CT45A1: variants seen among roughly 807,000 people sequenced by gnomAD.
The protein encoded by CT45A1 is cancer/testis antigen family 45 member A1.
the CT45A1 span, among the ~76,000 whole-genome samples, chrX:135,708,490 C>G: frequency 9.1e-6 from 1 of 110,424 alleles, no homozygotes; most frequent in African/African-American, 3.3e-5. Flanking sequence ...GTGTGTGGTA[C>G]GGCTCCCTGG....
intron 1 of CT45A1, among the ~76,000 whole-genome samples, chrX:135,717,883 T>C (rs1444837120): frequency 1.8e-5 from 2 of 112,099 alleles, no homozygotes; most frequent in African/African-American, 6.5e-5. Flanking sequence ...GACAGTTTTA[T>C]TTCTTTCCAA....
At chrX:135,708,823 T>C (rs1173304957), upstream of CT45A1, among the ~76,000 whole-genome samples, 4 of 111,063 alleles carry the variant, frequency 3.6e-5, no homozygotes, top group African/African-American at 1.3e-4. Flanking sequence ...ACATAATGTC[T>C]TGTAAGTGTG....
At chrX:135,712,008 G>T (rs1250621441), upstream of CT45A1, among the ~76,000 whole-genome samples, 2 of 109,229 alleles carry the variant, frequency 1.8e-5, no homozygotes, top group Non-Finnish European at 3.8e-5. Flanking sequence ...TTGAACCTGG[G>T]AGGCGGAGGT....
intron 1 of CT45A1, among the ~76,000 whole-genome samples, chrX:135,716,917 T>A (rs782270430): frequency 2.7e-5 from 3 of 112,042 alleles, no homozygotes; most frequent in Non-Finnish European, 5.6e-5. Context: ...GTATTTTGTA[T>A]TTCCAGATTG....
chrX:135,708,492 G>A, the CT45A1 span, among the ~76,000 whole-genome samples: 2 of 110,411 alleles, frequency 1.8e-5, no homozygotes, highest in Admixed American at 1.9e-4. Context: ...GTGTGGTACG[G>A]CTCCCTGGGT....
chrX:135,711,479 G>C (rs1556569533), upstream of CT45A1, among the ~76,000 whole-genome samples: 1 of 110,915 alleles, frequency 9.0e-6, no homozygotes, highest in African/African-American at 3.3e-5. Flanking sequence ...TTGTCGCCCA[G>C]GCTGGAGTGC....
upstream of CT45A1, among the ~76,000 whole-genome samples, chrX:135,708,797 G>A (rs782340844): frequency 4.5e-5 from 5 of 111,247 alleles, no homozygotes; most frequent in African/African-American, 1.6e-4. Context: ...CTGATTTTGT[G>A]TGGGAATTAT....
At chrX:135,712,291 C>T (rs1480012798), upstream of CT45A1, among the ~76,000 whole-genome samples, 1 of 98,432 alleles carries the variant, frequency 1.0e-5, no homozygotes, top group Non-Finnish European at 2.0e-5. Flanking sequence ...GGTCTCAAGC[C>T]TCCCAAGTAG....
At chrX:135,710,423 C>A (rs1468530675), upstream of CT45A1, 1 of 112,317 alleles carries the variant, frequency 8.9e-6, no homozygotes, top group Non-Finnish European at 1.9e-5. Context: ...CATATCTAGA[C>A]TAAATGTCTG....
upstream of CT45A1, among the ~76,000 whole-genome samples, chrX:135,711,453 A>G (rs1344839703): frequency 3.6e-5 from 4 of 110,814 alleles, no homozygotes; most frequent in Non-Finnish European, 5.7e-5. Context: ...TATTTATTTT[A>G]AGACGGAGTC....
intron 1 of CT45A1, among the ~76,000 whole-genome samples, chrX:135,714,163 C>T (rs782251703): frequency 4.6e-5 from 5 of 109,257 alleles, no homozygotes; most frequent in African/African-American, 1.3e-4. Context: ...CCTGTGGGAT[C>T]GCTGACGGGG....
intron 1 of CT45A1, among the ~76,000 whole-genome samples, chrX:135,715,421 ATATATATAATACT>A (rs1387440926): frequency 1.7e-4 from 12 of 71,775 alleles, no homozygotes; most frequent in Admixed American, 2.0e-4. Context: ...TATAATACTT[ATATATATAATACT>A]TATATATAAT....
chrX:135,715,508 TATATATA>T, intron 1 of CT45A1, among the ~76,000 whole-genome samples: 1 of 82,953 alleles, frequency 1.2e-5, no homozygotes, highest in Non-Finnish European at 2.2e-5. Flanking sequence ...ATAATACTTA[TATATATA>T]ATACTTATAG....
intron 1 of CT45A1, among the ~76,000 whole-genome samples, chrX:135,717,211 A>C (rs1425712602): frequency 8.9e-6 from 1 of 111,977 alleles, no homozygotes; most frequent in African/African-American, 3.2e-5. Context: ...TGCTAGGATC[A>C]TTCTGAGAGA....
chrX:135,717,717 T>C (rs1439167874), intron 1 of CT45A1, among the ~76,000 whole-genome samples: 3 of 111,890 alleles, frequency 2.7e-5, no homozygotes, highest in Non-Finnish European at 3.8e-5. Flanking sequence ...TTTAATGACA[T>C]TTGAAATCTC....
At chrX:135,715,242 A>G (rs1193700519) in intron 1 of CT45A1, among the ~76,000 whole-genome samples, 1 of 79,316 alleles carries the variant, frequency 1.3e-5, no homozygotes, top group Non-Finnish European at 2.2e-5. Flanking sequence ...ACTTATATAT[A>G]TAATACTTAT....
chrX:135,717,185 G>A (rs1364710479), intron 1 of CT45A1, among the ~76,000 whole-genome samples: 1 of 111,782 alleles, frequency 8.9e-6, no homozygotes, highest in East Asian at 2.8e-4. Flanking sequence ...TAACATGGTG[G>A]AATTTTAAAT....
chrX:135,713,734 G>A, intron 1 of CT45A1, 44 bp downstream of exon 1: 1 of 718,489 alleles, frequency 1.4e-6, no homozygotes, highest in Non-Finnish European at 1.6e-6. Context: ...TTCCCTGGAT[G>A]CTTTAATTTC....
chrX:135,716,774 A>G (rs1168960555), intron 1 of CT45A1, among the ~76,000 whole-genome samples: 2 of 110,071 alleles, frequency 1.8e-5, no homozygotes, highest in Non-Finnish European at 3.8e-5. Flanking sequence ...AGTGTTTACT[A>G]GATTGTCTAT....
Sources: gnomAD v4.1 joint callset for allele counts (sites outside exome capture counted in the v4.1 genomes callset) on GRCh38, gnomAD v4.1.1 for gene constraint, MANE v1.5 for transcripts, NCBI Gene and HGNC (gene_info 2026-07-23, HGNC 2026-07-21) for gene names.